FOXO3: variants seen among roughly 807,000 people sequenced by gnomAD.
FOXO3 encodes the protein forkhead box O3.
In FOXO3, 4 loss-of-function variants were observed where a neutral mutation model predicts 41.9. The ratio of observed to expected loss-of-function variants is 0.10; its 90% CI spans 0.05 to 0.22. The LOEUF is 0.22. FOXO3 is among the 10% of genes least tolerant of loss of function. The probability of loss-of-function intolerance (pLI) is 1.00; values close to 1 mark genes in which losing one functional copy is unlikely to be tolerated. For missense variants in FOXO3, 534 were observed against 906.8 expected, an observed-to-expected ratio of 0.59 and a Z score of 5.28; for synonymous variants, 318 against 389.3, an observed-to-expected ratio of 0.82 and a Z score of 2.16.
rs749634111 is a variant in FOXO3, at chr6:108,663,695, C to T, written c.862C>T (p.Leu288Phe). The change falls in exon 2 of 3, where the codon CTC (leucine) becomes TTC (phenylalanine). Residue 288 changes from leucine to phenylalanine, a missense_variant. By Grantham distance (22) the Leu-to-Phe change is conservative (BLOSUM62 0). Coordinates refer to ENST00000406360, the MANE Select transcript of FOXO3 (RefSeq NM_001455.4). ...ATCAGCTGACGACAGTCCCTCCCAG[C>T]TCTCCAAGTGGCCTGGCAGCCCCAC... is the stretch of plus-strand genomic sequence containing the variant. Reference protein sequence around the residue: ...PESADDSPSQLSKWPGSPTSR... With the variant: ...PESADDSPSQFSKWPGSPTSR... 2 of 1,613,464 alleles carry T rather than the reference C, an allele frequency of 1.2e-6. No individual in the cohort carries two copies. Among genetic ancestry groups the T allele is most frequent in the Middle Eastern group, 1.7e-4 (1 of 6,054 alleles).
chr6:108,590,146 T>C (rs1043934452), intron 1 of FOXO3, among the ~76,000 whole-genome samples: 1 of 152,096 alleles, frequency 6.6e-6, no homozygotes, highest in Non-Finnish European at 1.5e-5. Flanking sequence ...TCTTTTTTTT[T>C]TTTTGAGATG....
At chr6:108,602,328 C>G (rs1181327957) in intron 1 of FOXO3, among the ~76,000 whole-genome samples, 4 of 152,126 alleles carry the variant, frequency 2.6e-5, no homozygotes, top group Admixed American at 2.6e-4. Flanking sequence ...CCCTTGCCAA[C>G]ACAGAGCATT....
At chr6:108,606,811 T>C (rs1458933747) in intron 1 of FOXO3, among the ~76,000 whole-genome samples, 1 of 152,228 alleles carries the variant, frequency 6.6e-6, no homozygotes, top group African/African-American at 2.4e-5. Flanking sequence ...TTCTAGCTAT[T>C]TGACCACTGT....
intron 1 of FOXO3, among the ~76,000 whole-genome samples, chr6:108,634,446 TCA>T (rs1778060498): frequency 6.6e-6 from 1 of 152,126 alleles, no homozygotes. Flanking sequence ...AAGGAGAAAC[TCA>T]CACTCAGACT....
rs1210475162 is a variant in FOXO3, at chr6:108,561,137, C to T, written c.-72C>T. 5.4e-6 allele frequency: 8 copies of T among 1,477,436 alleles called. No homozygotes were observed. The highest frequency in any genetic ancestry group is 6.2e-6 in the Non-Finnish European group (7 of 1,120,712). The allele number at this position is 1,477,436 out of a possible 1,614,324, so 91.5% of individuals were successfully genotyped here. ...GAGCCTTCGCGGCGTCCACGTCCCT[C>T]CCCCGCTGCACCCCGCCCCGGCGCG... On this transcript the variant is annotated 5_prime_UTR_variant, in exon 1 of 3. Transcript: ENST00000406360.
At chr6:108,559,996 C>G (rs1268843847), upstream of FOXO3, 1 of 151,910 alleles carries the variant, frequency 6.6e-6, no homozygotes, top group East Asian at 1.9e-4. Flanking sequence ...CCGCCGCGTC[C>G]CTGAAGGGAA....
chr6:108,623,317 T>G (rs1047483102), intron 1 of FOXO3, among the ~76,000 whole-genome samples: 3 of 152,200 alleles, frequency 2.0e-5, no homozygotes, highest in African/African-American at 7.2e-5. Flanking sequence ...TATAGGATCC[T>G]TTGTGGGTGA....
chr6:108,615,770 CTT>C, intron 1 of FOXO3, among the ~76,000 whole-genome samples: 1 of 152,124 alleles, frequency 6.6e-6, no homozygotes, highest in South Asian at 2.1e-4. Flanking sequence ...CATTTTCAGT[CTT>C]TCCCTGTGCT....
intron 1 of FOXO3, among the ~76,000 whole-genome samples, chr6:108,576,685 C>T (rs1388188359): frequency 6.6e-6 from 1 of 152,206 alleles, no homozygotes; most frequent in Non-Finnish European, 1.5e-5. Context: ...GCTTATAATG[C>T]AGTGGAAATA....
intron 1 of FOXO3, among the ~76,000 whole-genome samples, chr6:108,610,081 C>T (rs777437670): frequency 2.0e-5 from 3 of 152,056 alleles, no homozygotes; most frequent in Non-Finnish European, 4.4e-5. Flanking sequence ...TTGCACTTTG[C>T]TTTGTTTCCC....
intron 2 of FOXO3, among the ~76,000 whole-genome samples, chr6:108,671,345 G>A (rs1404825961): frequency 6.6e-6 from 1 of 152,204 alleles, no homozygotes; most frequent in African/African-American, 2.4e-5. Flanking sequence ...TCAGCACACT[G>A]TCCCTGGGGC....
intron 1 of FOXO3, among the ~76,000 whole-genome samples, chr6:108,611,764 A>G (rs971518371): frequency 6.6e-6 from 1 of 150,692 alleles, no homozygotes; most frequent in Non-Finnish European, 1.5e-5. Flanking sequence ...TTCTGAATAC[A>G]TGTCTTTTAT....
intron 1 of FOXO3, among the ~76,000 whole-genome samples, chr6:108,590,374 T>C (rs1256586118): frequency 2.0e-5 from 3 of 152,178 alleles, no homozygotes; most frequent in Non-Finnish European, 4.4e-5. Context: ...CTGAAACTTT[T>C]TGAGCGTTGA....
Position 108,668,702 on chromosome 6 carries a change from C to G in FOXO3, c.*34+3813C>G, listed in dbSNP as rs141561848. On this transcript the variant is annotated intron_variant, in intron 2 of 2. Coordinates refer to ENST00000406360, the MANE Select transcript of FOXO3 (RefSeq NM_001455.4). ...CTGGGAAGCATCCACCAGCAAAAGC[C>G]CAGATGGAGAGGGGAGGGGTGGTTC... Among the ~76,000 whole-genome samples the G allele has an allele frequency of 1.6e-4, 25 of 152,244 alleles. No individual in the cohort carries two copies. In the East Asian group the frequency reaches 4.2e-3, roughly 26 times the overall value.
intron 1 of FOXO3, among the ~76,000 whole-genome samples, chr6:108,589,897 C>A (rs939087851): frequency 6.6e-6 from 1 of 152,148 alleles, no homozygotes; most frequent in Non-Finnish European, 1.5e-5. Flanking sequence ...CATGAATAAT[C>A]AAAACAAAAG....
chr6:108,671,429 A>G (rs1402378448), intron 2 of FOXO3, among the ~76,000 whole-genome samples: 1 of 152,178 alleles, frequency 6.6e-6, no homozygotes, highest in Non-Finnish European at 1.5e-5. Flanking sequence ...ATCCTGTGGG[A>G]TGGCAGAGGA....
At chr6:108,665,579 A>G (rs1329307789) in intron 2 of FOXO3, among the ~76,000 whole-genome samples, 2 of 152,142 alleles carry the variant, frequency 1.3e-5, no homozygotes, top group Non-Finnish European at 2.9e-5. Context: ...TCCCACAACT[A>G]TGGGAGACTG....
intron 1 of FOXO3, among the ~76,000 whole-genome samples, chr6:108,597,819 A>G (rs1171895355): frequency 1.3e-5 from 2 of 152,210 alleles, no homozygotes; most frequent in Non-Finnish European, 1.5e-5. Context: ...CTAATTTGTA[A>G]TAAGCACTTA....
In FOXO3 at chr6:108,684,257, AG is replaced by A. The variant is rs1207718799; in HGVS notation, c.*4467del. The stretch of plus-strand genomic sequence containing the variant: ...TGGGAAATGTAAACAAATGTGAAGG[AG>A]GACCAGAAAAATTAGTTAATATTTA... On this transcript the variant is annotated 3_prime_UTR_variant, in exon 3 of 3. Coordinates refer to ENST00000406360, the MANE Select transcript of FOXO3 (RefSeq NM_001455.4). The A allele has an allele frequency of 6.6e-6, 1 of 152,644 alleles. No individual in the cohort carries two copies. The highest frequency in any genetic ancestry group is 2.4e-5 in the African/African-American group (1 of 41,456). The allele number at this position is 152,644 out of a possible 1,614,324, so 9.5% of individuals were successfully genotyped here. A position where few individuals can be genotyped will look rare whatever the true frequency, so the allele number is the denominator to read the frequency against.
Sources: allele counts gnomAD v4.1 joint callset (sites outside exome capture counted in the v4.1 genomes callset), GRCh38; gene constraint gnomAD v4.1.1; transcripts MANE v1.5; gene names NCBI Gene and HGNC (gene_info 2026-07-23, HGNC 2026-07-21).